Variants in TTBK1 observed in about 807,000 individuals in gnomAD.
TTBK1 encodes tau-tubulin kinase 1.
Under a neutral mutation model 108.5 loss-of-function variants are expected in TTBK1, and 34 were observed. That is an observed-to-expected ratio of 0.31 (90% confidence interval 0.24 to 0.42). The LOEUF (loss-of-function observed/expected upper bound fraction) is 0.42. Among genes scored for constraint, TTBK1 ranks in the 10% least tolerant of loss-of-function variants. The pLI is 1.00. For missense variants in TTBK1, 1,539 were observed against 1,826.0 expected (o/e 0.84, Z 2.86); for synonymous variants, 809 against 795.1 (o/e 1.02, Z -0.29).
chr6:43,270,403 C>T (rs1385512405), intron 13 of TTBK1: 10 of 993,994 alleles, frequency 1.0e-5, no homozygotes, highest in Non-Finnish European at 1.1e-5. Flanking sequence ...AGGCCAAGAC[C>T]CTCCTTGCAT....
rs1013234836 is a variant in TTBK1, at chr6:43,253,959, T to C, written c.471+251T>C. Reference sequence around the variant, plus strand: ...CTCCTCTGTTCTTCCCTTCTGTTCCTTATCCCTTGCCCCTGACCTGACAGT... The same window carrying C: ...CTCCTCTGTTCTTCCCTTCTGTTCCCTATCCCTTGCCCCTGACCTGACAGT... On this transcript the variant is annotated intron_variant, in intron 5 of 14. Coordinates refer to ENST00000259750, the MANE Select transcript of TTBK1 (RefSeq NM_032538.3). The surrounding 1 kb of genome is among the most constrained non-coding windows in gnomAD (Gnocchi z 5.8). 6.6e-6 allele frequency among the ~76,000 whole-genome samples: 1 copy of C among 152,166 alleles called. No individual in the cohort carries two copies. Among genetic ancestry groups the C allele is most frequent in the Non-Finnish European group, 1.5e-5 (1 of 68,030 alleles).
rs913928780 is a variant in TTBK1 at position 43,276,995 on chromosome 6, C to T, written c.1987-5732C>T. Among the ~76,000 whole-genome samples, 2 of 152,098 alleles carry T rather than the reference C, an allele frequency of 1.3e-5. No individual in the cohort carries two copies. Among genetic ancestry groups the T allele is most frequent in the African/African-American group, 2.4e-5 (1 of 41,408 alleles). ...GACTCAGCTCCAAATTGCCAACTTC[C>T]GGGTGGGGATGGAGGGTGTGTAGAA... is the stretch of plus-strand genomic sequence containing the variant. On this transcript the variant is annotated intron_variant, in intron 13 of 14. Coordinates refer to ENST00000259750, the MANE Select transcript of TTBK1 (RefSeq NM_032538.3). This position sits in a 1 kb window ranked among gnomAD's most constrained non-coding sequence, Gnocchi z 5.4.
At chr6:43,266,557 C>T (rs1163278690) in intron 13 of TTBK1, among the ~76,000 whole-genome samples, 2 of 152,164 alleles carry the variant, frequency 1.3e-5, no homozygotes, top group Non-Finnish European at 2.9e-5. Flanking sequence ...GGGACTTGAA[C>T]CCAGGCAACT....
In TTBK1 at chr6:43,259,145, C is replaced by T. The variant is rs1777456713; in HGVS notation, c.1124C>T (p.Pro375Leu). 1.2e-6 allele frequency: 2 copies of T among 1,613,902 alleles called. No individual in the cohort carries two copies. The highest frequency in any genetic ancestry group is 2.2e-5 in the South Asian group (2 of 91,086). ...SDQENAPPILPGRPSEGLGPS... is the reference protein window; with the variant it reads ...SDQENAPPILLGRPSEGLGPS... ...CAGGAGAATGCACCCCCAATTCTGC[C>T]CGGGAGGCCCTCTGAGGGGCTGGGC... Residue 375 changes from proline (P) to leucine (L), a missense_variant, in exon 11 of 15, where the codon CCC becomes CTC. Pro to Leu is a moderately conservative substitution (Grantham distance 98). Transcript: ENST00000259750. This position sits in a 1 kb window ranked among gnomAD's most constrained non-coding sequence, Gnocchi z 6.7.
chr6:43,259,490 G>T lies in TTBK1; in HGVS notation c.1249-41G>T, dbSNP rs747900488. On this transcript the variant is annotated intron_variant, in intron 11 of 14. Transcript: ENST00000259750. The surrounding 1 kb of genome is among the most constrained non-coding windows in gnomAD (Gnocchi z 6.7). ...CTGAGGAGACCATCCGCCCACAGCC[G>T]CCTCATCAGCCCCAGCTCATGGCAC... The T allele has an allele frequency of 4.0e-6, 6 of 1,517,444 alleles. No homozygotes were observed. In the Admixed American group the frequency reaches 6.7e-5, roughly 17 times the overall value. 94.0% of individuals were successfully genotyped at this position (1,517,444 alleles called of 1,614,324 possible).
chr6:43,254,583 A>C lies in TTBK1; in HGVS notation c.508A>C (p.Arg170=), dbSNP rs1777334215. ...CATGGGCAGGCTGCCCTCCACCTACAGGAAGTGCTATATGCTGGACTTCGG... is the reference window on the plus strand; with the variant it reads ...CATGGGCAGGCTGCCCTCCACCTACCGGAAGTGCTATATGCTGGACTTCGG... ...FAMGRLPSTY[R]KCYMLDFGLA... Residue 170 remains arginine, a synonymous_variant, in exon 6 of 15, where the codon AGG becomes CGG. Coordinates refer to ENST00000259750, the MANE Select transcript of TTBK1 (RefSeq NM_032538.3). 1.0e-5 allele frequency: 16 copies of C among 1,583,460 alleles called. No individual in the cohort carries two copies. Among genetic ancestry groups the C allele is most frequent in the Non-Finnish European group, 1.1e-5 (13 of 1,167,778 alleles).
At chr6:43,284,627 G>A (rs1778309265) in intron 14 of TTBK1, among the ~76,000 whole-genome samples, 1 of 152,248 alleles carries the variant, frequency 6.6e-6, no homozygotes, top group African/African-American at 2.4e-5. Context: ...GGAAGCCAAA[G>A]GATAAAGCCC....
intron 13 of TTBK1, among the ~76,000 whole-genome samples, chr6:43,274,105 C>T (rs1424377554): frequency 6.6e-6 from 1 of 152,172 alleles, no homozygotes; most frequent in East Asian, 1.9e-4. Flanking sequence ...TCTGAGGACC[C>T]TGGGTCCGTG....
intron 12 of TTBK1, among the ~76,000 whole-genome samples, chr6:43,262,147 C>T (rs1168312594): frequency 6.6e-6 from 1 of 152,042 alleles, no homozygotes; most frequent in Non-Finnish European, 1.5e-5. Flanking sequence ...TGAGATGGGG[C>T]TGGTGAGGGA....
Position 43,282,930 on chromosome 6 carries a change from T to C in TTBK1, c.2190T>C (p.Asn730=), listed in dbSNP as rs761719239. 1.6e-5 allele frequency: 26 copies of C among 1,611,788 alleles called. No homozygotes were observed. The highest frequency in any genetic ancestry group is 2.2e-5 in the Non-Finnish European group (26 of 1,179,398). The change falls in exon 14 of 15, where the codon AAT becomes AAC. Residue 730 remains asparagine (N), a synonymous_variant. Transcript: ENST00000259750. The surrounding 1 kb of genome is among the most constrained non-coding windows in gnomAD (Gnocchi z 5.4). The stretch of plus-strand genomic sequence containing the variant: ...TGGCTCCTGTTCAGCCTCAGGCTAA[T>C]GGGAAGGAGGAAGAGGAGGAGGAGG... ...VPLAPVQPQA[N]GKEEEEEEEE... is the part of the protein sequence containing the mutation.
intron 13 of TTBK1, among the ~76,000 whole-genome samples, chr6:43,266,998 CGTGTGTGTGTGT>C (rs3997628): frequency 0.017 from 2,209 of 128,166 alleles, 21 homozygotes; most frequent in Middle Eastern, 0.039. Flanking sequence ...CTGGAGCATG[CGTGTGTGTGTGT>C]GTGTGTGTGT....
chr6:43,280,305 A>C (rs941695196), intron 13 of TTBK1, among the ~76,000 whole-genome samples: 3 of 152,118 alleles, frequency 2.0e-5, no homozygotes, highest in Non-Finnish European at 4.4e-5. Flanking sequence ...CCCACACGCT[A>C]TTCCCCATAG....
Position 43,285,049 on chromosome 6 carries a change from C to T in TTBK1, c.3639C>T (p.Gly1213=), listed in dbSNP as rs1428337857. The change falls in exon 15 of 15, where the codon GGC becomes GGT. Residue 1213 remains glycine (G), a synonymous_variant. Transcript: ENST00000259750. The surrounding 1 kb of genome is among the most constrained non-coding windows in gnomAD (Gnocchi z 4.7). ...AADLRPKQPP[G]RGLGPGRAQA... is the part of the protein sequence containing the mutation. ...ACCTCCGCCCCAAACAACCTCCTGGCCGCGGCCTGGGCCCAGGGCGAGCCC... is the reference window on the plus strand; with the variant it reads ...ACCTCCGCCCCAAACAACCTCCTGGTCGCGGCCTGGGCCCAGGGCGAGCCC... 1.3e-6 allele frequency: 2 copies of T among 1,511,774 alleles called. No individual in the cohort carries two copies. The highest frequency in any genetic ancestry group is 8.8e-7 in the Non-Finnish European group (1 of 1,136,650). 93.6% of individuals were successfully genotyped at this position (1,511,774 alleles called of 1,614,324 possible).
chr6:43,267,163 T>C (rs79306700), intron 13 of TTBK1, among the ~76,000 whole-genome samples: 12,488 of 152,138 alleles, frequency 0.082, 646 homozygotes, highest in Non-Finnish European at 0.12. Context: ...GTACAACATG[T>C]TTCGCCAAGT....
In TTBK1 at chr6:43,253,782, G is replaced by C. The variant is rs1469159515; in HGVS notation, c.471+74G>C. 6 of 1,517,544 alleles carry C rather than the reference G, an allele frequency of 4.0e-6. No individual in the cohort carries two copies. The African/African-American group carries it at 8.3e-5, about 21-fold the overall frequency. The allele number at this position is 1,517,544 out of a possible 1,614,324, so 94.0% of individuals were successfully genotyped here. On this transcript the variant is annotated intron_variant, in intron 5 of 14. Transcript: ENST00000259750. This position sits in a 1 kb window ranked among gnomAD's most constrained non-coding sequence, Gnocchi z 5.8. ...CCCTAATTCTTTCCCTGGGTCTCCTGGTTTCTCCTCTGCAACCATGGTTGG... is the reference window on the plus strand; with the variant it reads ...CCCTAATTCTTTCCCTGGGTCTCCTCGTTTCTCCTCTGCAACCATGGTTGG...
chr6:43,285,076 A>T lies in TTBK1; in HGVS notation c.3666A>T (p.Gln1222His). 2 of 1,492,246 alleles carry T rather than the reference A, an allele frequency of 1.3e-6. No homozygotes were observed. Among genetic ancestry groups the T allele is most frequent in the Non-Finnish European group, 1.8e-6 (2 of 1,129,040 alleles). The allele number at this position is 1,492,246 out of a possible 1,614,324, so 92.4% of individuals were successfully genotyped here. A position where few individuals can be genotyped will look rare whatever the true frequency, so the allele number is the denominator to read the frequency against. Residue 1222 changes from glutamine (Q) to histidine (H), a missense_variant, in exon 15 of 15, where the codon CAA becomes CAT. Physicochemically the swap from Gln to His is conservative, Grantham distance 24. Around this residue, in one of 5 missense-constraint regions of TTBK1, gnomAD observed 1,055 missense variants for 1,086.5 expected, o/e 0.97. Coordinates refer to ENST00000259750, the MANE Select transcript of TTBK1 (RefSeq NM_032538.3). The surrounding 1 kb of genome is among the most constrained non-coding windows in gnomAD (Gnocchi z 4.7). ...PGRGLGPGRA[Q>H]AGARPPAPRS... ...GCGGCCTGGGCCCAGGGCGAGCCCA[A>T]GCCGGAGCCAGGCCCCCAGCGCCGC...
rs751009229 is a variant in TTBK1, at chr6:43,263,135, C to G, written c.1771C>G (p.Pro591Ala). 20 of 1,566,782 alleles carry G rather than the reference C, an allele frequency of 1.3e-5. No individual in the cohort carries two copies. In the South Asian group the frequency reaches 2.1e-4, roughly 16 times the overall value. The change falls in exon 13 of 15, where the codon CCC becomes GCC. Residue 591 changes from proline to alanine, a missense_variant. By Grantham distance (27) the Pro-to-Ala change is conservative. Around this residue, in one of 5 missense-constraint regions of TTBK1, gnomAD observed 1,055 missense variants for 1,086.5 expected, o/e 0.97. Transcript: ENST00000259750. This position sits in a 1 kb window ranked among gnomAD's most constrained non-coding sequence, Gnocchi z 4.7. ...AGAGCGGCGGCGGCTGGGGGCAGAGCCCACCGTCCGGCCCCGGGGACGCAG... is the reference window on the plus strand; with the variant it reads ...AGAGCGGCGGCGGCTGGGGGCAGAGGCCACCGTCCGGCCCCGGGGACGCAG... ...GEERRRLGAE[P>A]TVRPRGRSMQ... is the part of the protein sequence containing the mutation.
intron 2 of TTBK1, among the ~76,000 whole-genome samples, chr6:43,251,680 G>A (rs1046184065): frequency 2.6e-5 from 4 of 152,076 alleles, no homozygotes; most frequent in Non-Finnish European, 5.9e-5. Context: ...CCTTTCTCAC[G>A]CCTGCTTTGG....
chr6:43,270,424 TG>T, intron 13 of TTBK1: 1 of 829,090 alleles, frequency 1.2e-6, no homozygotes, highest in Non-Finnish European at 1.4e-6. Flanking sequence ...GGTGTGTGTG[TG>T]TGTGTGTGTG....
Sources: allele counts gnomAD v4.1 joint callset (sites outside exome capture counted in the v4.1 genomes callset), GRCh38; gene constraint gnomAD v4.1.1; regional missense constraint gnomAD v4.1.1; non-coding constraint Gnocchi (gnomAD v3.1); transcripts MANE v1.5; gene names NCBI Gene and HGNC (gene_info 2026-07-23, HGNC 2026-07-21).